Variants in ADIPOQ observed in about 807,000 individuals in gnomAD.
ADIPOQ encodes the protein adiponectin.
In ADIPOQ, 19 loss-of-function variants were observed where a neutral mutation model predicts 16.1. The ratio of observed to expected loss-of-function variants is 1.18; its 90% CI spans 0.82 to 1.73. The LOEUF is 1.73. Ranked by LOEUF, ADIPOQ falls within the 40% of genes most tolerant of loss-of-function variation. The pLI is 0.00. For synonymous variants in ADIPOQ, 124 were observed against 125.5 expected (o/e 0.99, Z 0.08); for missense variants, 323 against 308.3 (o/e 1.05, Z -0.36).
intron 1 of ADIPOQ, among the ~76,000 whole-genome samples, chr3:186,844,511 C>CA (rs33955672): frequency 0.064 from 7,884 of 122,314 alleles, 741 homozygotes; most frequent in African/African-American, 0.21. Context: ...AACTCCATCT[C>CA]AAAAAAAAAA....
chr3:186,848,072 G>T (rs896383266), intron 1 of ADIPOQ, among the ~76,000 whole-genome samples: 1 of 151,864 alleles, frequency 6.6e-6, no homozygotes, highest in Non-Finnish European at 1.5e-5. Context: ...ACTTGGGAGG[G>T]TGAGGCAGGA....
At chr3:186,846,225 G>A (rs1006231729) in intron 1 of ADIPOQ, among the ~76,000 whole-genome samples, 1 of 150,098 alleles carries the variant, frequency 6.7e-6, no homozygotes, top group Non-Finnish European at 1.5e-5. Context: ...GCTCCTTTTG[G>A]CTCTGACATT....
rs1053657320 is a variant in ADIPOQ at position 186,857,946 on chromosome 3, T to TTTCC, written c.*3256_*3259dup. On this transcript the variant is annotated 3_prime_UTR_variant, in exon 3 of 3. Coordinates refer to ENST00000320741, the MANE Select transcript of ADIPOQ (RefSeq NM_004797.4). ...CTTCCTTTCTTTCTCTCTCTCTCTC[T>TTTCC]TTCCTTCCTTCCTTCCTCCTTTTCT... The TTTCC allele has an allele frequency of 4.0e-5, 6 of 151,558 alleles. 1 individual carries two copies. The highest frequency in any genetic ancestry group is 4.2e-4 in the South Asian group (2 of 4,764). The allele number at this position is 151,558 out of a possible 1,614,324, so 9.4% of individuals were successfully genotyped here. A position where few individuals can be genotyped will look rare whatever the true frequency, so the allele number is the denominator to read the frequency against.
rs1311268271 is a variant in ADIPOQ, at chr3:186,856,234, G to C, written c.*1530G>C. 1.3e-5 allele frequency: 2 copies of C among 152,192 alleles called. No homozygotes were observed. The highest frequency in any genetic ancestry group is 6.5e-5 in the Admixed American group (1 of 15,274). The allele number at this position is 152,192 out of a possible 1,614,324, so 9.4% of individuals were successfully genotyped here. The stretch of plus-strand genomic sequence containing the variant: ...TGTTCTTTAAGAATTACAGGTTGAG[G>C]TAGTTGATGGTGGTAAACATTCTCT... On this transcript the variant is annotated 3_prime_UTR_variant, in exon 3 of 3. Transcript: ENST00000320741.
chr3:186,854,307 C>G lies in ADIPOQ; in HGVS notation c.338C>G (p.Ser113Ter). The G allele has an allele frequency of 1.2e-6, 2 of 1,614,204 alleles. No homozygotes were observed. The highest frequency in any genetic ancestry group is 1.7e-6 in the Non-Finnish European group (2 of 1,180,036). Reference protein sequence around the residue: ...EPGEGAYVYRSAFSVGLETYV... With the variant: ...EPGEGAYVYR ...GGAGAAGGTGCCTATGTATACCGCT[C>G]AGCATTCAGTGTGGGATTGGAGACT... The change falls in exon 3 of 3, where the codon TCA becomes TGA. Residue 113 changes from serine to a stop codon, truncating the protein, a stop_gained. Coordinates refer to ENST00000320741, the MANE Select transcript of ADIPOQ (RefSeq NM_004797.4). LOFTEE classifies it high-confidence loss of function.
At chr3:186,846,272 G>A (rs1239699334) in intron 1 of ADIPOQ, among the ~76,000 whole-genome samples, 6 of 149,988 alleles carry the variant, frequency 4.0e-5, no homozygotes, top group African/African-American at 1.5e-4. Flanking sequence ...TTGAGACAGA[G>A]TCTTGCTCTG....
Position 186,854,328 on chromosome 3 carries a change from A to G in ADIPOQ, c.359A>G (p.Glu120Gly), listed in dbSNP as rs200433818. The G allele has an allele frequency of 1.2e-6, 2 of 1,614,194 alleles. No individual in the cohort carries two copies. The highest frequency in any genetic ancestry group is 2.2e-5 in the South Asian group (2 of 91,080). ...VYRSAFSVGL[E>G]TYVTIPNMPI... ...CGCTCAGCATTCAGTGTGGGATTGG[A>G]GACTTACGTTACTATCCCCAACATG... The change falls in exon 3 of 3, where the codon GAG (glutamate) becomes GGG (glycine). Residue 120 changes from glutamate (E) to glycine (G), a missense_variant. Physicochemically the swap from Glu to Gly is moderately conservative, Grantham distance 98 (BLOSUM62 -2). Transcript: ENST00000320741.
rs1711942938 is a variant in ADIPOQ at position 186,854,993 on chromosome 3, A to T, written c.*289A>T. On this transcript the variant is annotated 3_prime_UTR_variant, in exon 3 of 3. Coordinates refer to ENST00000320741, the MANE Select transcript of ADIPOQ (RefSeq NM_004797.4). ...CTCCTGATGCTCATATCAATCCTAT[A>T]AGGCACAGGGAACAAGCATTCTCCT... is the stretch of plus-strand genomic sequence containing the variant. 2 of 453,398 alleles carry T rather than the reference A, an allele frequency of 4.4e-6. No individual in the cohort carries two copies. The highest frequency in any genetic ancestry group is 4.3e-5 in the South Asian group (2 of 46,802). The allele number at this position is 453,398 out of a possible 1,614,324, so 28.1% of individuals were successfully genotyped here.
chr3:186,854,343 T>A lies in ADIPOQ; in HGVS notation c.374T>A (p.Ile125Asn), dbSNP rs370120250. The A allele has an allele frequency of 7.4e-6, 12 of 1,614,054 alleles. No individual in the cohort carries two copies. The African/African-American group carries it at 1.2e-4, about 16-fold the overall frequency. ...FSVGLETYVT[I>N]PNMPIRFTKI... is the part of the protein sequence containing the mutation. ...GTGGGATTGGAGACTTACGTTACTATCCCCAACATGCCCATTCGCTTTACC... is the reference window on the plus strand; with the variant it reads ...GTGGGATTGGAGACTTACGTTACTAACCCCAACATGCCCATTCGCTTTACC... The change falls in exon 3 of 3, where the codon ATC becomes AAC. Residue 125 changes from isoleucine to asparagine, a missense_variant. By Grantham distance (149) the Ile-to-Asn change is moderately radical. Transcript: ENST00000320741.
rs35310830 is a variant in ADIPOQ, at chr3:186,842,917, G to A, written c.-9+168G>A. Among the ~76,000 whole-genome samples, 28 of 152,312 alleles carry A rather than the reference G, an allele frequency of 1.8e-4. No individual in the cohort carries two copies. The East Asian group carries it at 3.1e-3, about 17-fold the overall frequency. On this transcript the variant is annotated intron_variant, in intron 1 of 2. Coordinates refer to ENST00000320741, the MANE Select transcript of ADIPOQ (RefSeq NM_004797.4). Reference sequence around the variant, plus strand: ...AGATATGCACTGGGCTTCTTCCTCCGTTCTCCCACAGCCCCAAGAGAGAAA... The same window carrying A: ...AGATATGCACTGGGCTTCTTCCTCCATTCTCCCACAGCCCCAAGAGAGAAA...
At chr3:186,850,273 A>G (rs1423425796) in intron 1 of ADIPOQ, among the ~76,000 whole-genome samples, 1 of 135,478 alleles carries the variant, frequency 7.4e-6, no homozygotes, top group African/African-American at 3.3e-5. Context: ...CTCTCTCTCA[A>G]AAAAAAAAAA....
At chr3:186,854,001 A>T in intron 2 of ADIPOQ, 183 bp from the exon 3 acceptor site, 1 of 622,130 alleles carries the variant, frequency 1.6e-6, no homozygotes, top group South Asian at 2.2e-5. Context: ...GGGAGCCTCC[A>T]TGTCTGTGGG....
intron 1 of ADIPOQ, among the ~76,000 whole-genome samples, chr3:186,848,459 CTG>C (rs1288825893): frequency 6.6e-6 from 1 of 152,138 alleles, no homozygotes; most frequent in African/African-American, 2.4e-5. Context: ...CTGAGAGACT[CTG>C]TTCTGACTTC....
Position 186,854,299 on chromosome 3 carries a change from A to G in ADIPOQ, c.330A>G (p.Val110=). The G allele has an allele frequency of 6.2e-7, 1 of 1,614,234 alleles. No homozygotes were observed. Among genetic ancestry groups the G allele is most frequent in the Non-Finnish European group, 8.5e-7 (1 of 1,180,044 alleles). The change falls in exon 3 of 3, where the codon GTA becomes GTG. Residue 110 remains valine (V), a synonymous_variant. Coordinates refer to ENST00000320741, the MANE Select transcript of ADIPOQ (RefSeq NM_004797.4). ...RKGEPGEGAY[V]YRSAFSVGLE... ...GAGAACCTGGAGAAGGTGCCTATGT[A>G]TACCGCTCAGCATTCAGTGTGGGAT...
At chr3:186,843,108 C>T (rs62292784) in intron 1 of ADIPOQ, among the ~76,000 whole-genome samples, 34,254 of 152,082 alleles carry the variant, frequency 0.23, 4,340 homozygotes, top group South Asian at 0.27. Context: ...GAATACATTG[C>T]CTCTTAGCTT....
chr3:186,845,177 G>T (rs1711549880), intron 1 of ADIPOQ, among the ~76,000 whole-genome samples: 1 of 151,726 alleles, frequency 6.6e-6, no homozygotes, highest in Non-Finnish European at 1.5e-5. Context: ...CATAGGTGGA[G>T]GTGTGTGTAT....
chr3:186,850,271 CAAAAAAA>C (rs71634014), intron 1 of ADIPOQ, among the ~76,000 whole-genome samples: 1 of 88,742 alleles, frequency 1.1e-5, no homozygotes, highest in African/African-American at 4.3e-5. Flanking sequence ...TCCTCTCTCT[CAAAAAAA>C]AAAAAAAAAA....
At chr3:186,852,794 A>G (rs1288052496) in intron 1 of ADIPOQ, 2 of 489,166 alleles carry the variant, frequency 4.1e-6, no homozygotes, top group East Asian at 7.2e-5. Flanking sequence ...TCATCTGTGC[A>G]ATCACTGAAT....
At chr3:186,843,586 G>A (rs371321268) in intron 1 of ADIPOQ, among the ~76,000 whole-genome samples, 30 of 151,650 alleles carry the variant, frequency 2.0e-4, no homozygotes, top group African/African-American at 6.8e-4. Flanking sequence ...TCTGAACCTG[G>A]GAGGCAGAGG....
Sources: gnomAD v4.1 joint callset for allele counts (sites outside exome capture counted in the v4.1 genomes callset) on GRCh38, gnomAD v4.1.1 for gene constraint, MANE v1.5 for transcripts, NCBI Gene and HGNC (gene_info 2026-07-23, HGNC 2026-07-21) for gene names.